RIPOR3: variants seen among roughly 807,000 people sequenced by gnomAD.
RIPOR3 encodes the protein family with sequence similarity 65 member C.
In RIPOR3, 95 loss-of-function variants were observed where a neutral mutation model predicts 114.3. The ratio of observed to expected loss-of-function variants is 0.83; its 90% CI spans 0.70 to 0.99. The LOEUF (loss-of-function observed/expected upper bound fraction) is 0.99. RIPOR3 is among the 50% of genes least tolerant of loss of function. The pLI is 0.00. For missense variants in RIPOR3, 1,252 were observed against 1,266.9 expected, an observed-to-expected ratio of 0.99 and a Z score of 0.18; for synonymous variants, 575 against 543.8, an observed-to-expected ratio of 1.06 and a Z score of -0.80.
At chr20:50,654,283 C>T (rs546642010) in intron 1 of RIPOR3, among the ~76,000 whole-genome samples, 4 of 151,604 alleles carry the variant, frequency 2.6e-5, no homozygotes, top group African/African-American at 4.8e-5. Flanking sequence ...TCTCCTGCCT[C>T]AGCCTCCCAA....
In RIPOR3 at chr20:50,592,427, G is replaced by A; in HGVS notation, c.2494C>T (p.Gln832Ter). The change falls in exon 19 of 22, where the codon CAG becomes TAG. Residue 832 changes from glutamine to a stop codon, truncating the protein, a stop_gained. Coordinates refer to ENST00000327979, the MANE Select transcript of RIPOR3 (RefSeq NM_001290268.2). LOFTEE classifies it high-confidence loss of function. ...PQTLRAWALL[Q>*]LDGTPRVCRA... ...CACACCCTCGGAGTGCCGTCCAGCT[G>A]GAGCAGCGCCCAGGCTCTTAAGGTC... is the stretch of plus-strand genomic sequence containing the variant. 2 of 1,612,558 alleles carry A rather than the reference G, an allele frequency of 1.2e-6. No individual in the cohort carries two copies. The highest frequency in any genetic ancestry group is 8.5e-7 in the Non-Finnish European group (1 of 1,179,426).
chr20:50,623,164 G>A (rs1311708099), intron 2 of RIPOR3, among the ~76,000 whole-genome samples: 1 of 151,606 alleles, frequency 6.6e-6, no homozygotes, highest in African/African-American at 2.4e-5. Flanking sequence ...GGGAGGCTGA[G>A]GCAGGAGAAT....
chr20:50,630,237 G>A (rs1162099452), intron 2 of RIPOR3, among the ~76,000 whole-genome samples: 2 of 152,254 alleles, frequency 1.3e-5, no homozygotes, highest in South Asian at 2.1e-4. Flanking sequence ...CAAAGTGCTA[G>A]GATTACAGGC....
At chr20:50,644,476 A>ATTTCT (rs907852714) in intron 1 of RIPOR3, among the ~76,000 whole-genome samples, 2 of 151,796 alleles carry the variant, frequency 1.3e-5, no homozygotes, top group South Asian at 2.1e-4. Flanking sequence ...ATTGGTACAT[A>ATTTCT]TTTCTTTTCT....
intron 1 of RIPOR3, among the ~76,000 whole-genome samples, chr20:50,659,628 CAA>C (rs956102860): frequency 8.7e-6 from 1 of 115,010 alleles, no homozygotes; most frequent in African/African-American, 3.5e-5. Context: ...GCCTAGGTGA[CAA>C]GAGCGAAACT....
intron 1 of RIPOR3, among the ~76,000 whole-genome samples, chr20:50,666,223 T>TTTTTTCTTTTC (rs2086229109): frequency 9.5e-6 from 1 of 105,010 alleles, no homozygotes; most frequent in Non-Finnish European, 2.0e-5. Flanking sequence ...TTTTCTTTTC[T>TTTTTTCTTTTC]TTTTTGAGAC....
chr20:50,645,600 A>T (rs1381056637), intron 1 of RIPOR3: 1 of 152,516 alleles, frequency 6.6e-6, no homozygotes, highest in Non-Finnish European at 1.5e-5. Context: ...GGGCATGCGC[A>T]GTTCAAGCCC....
chr20:50,681,415 T>C (rs1336983285), intron 1 of RIPOR3, among the ~76,000 whole-genome samples: 1 of 152,024 alleles, frequency 6.6e-6, no homozygotes, highest in Non-Finnish European at 1.5e-5. Flanking sequence ...CCCAAGTCTG[T>C]AGGACTGAGG....
intron 6 of RIPOR3, 38 bp downstream of exon 6, chr20:50,610,815 G>GCCCCA (rs1555846645): frequency 6.2e-7 from 1 of 1,613,494 alleles, no homozygotes; most frequent in East Asian, 2.2e-5. Context: ...AGCTGGCACT[G>GCCCCA]CCCCACCCCA....
rs139986638 is a variant in RIPOR3 at position 50,622,692 on chromosome 20, C to CAGAGAG, written c.123-2566_123-2561dup. ...TCATCCACCCCTTGGCTCTGGACTGCAGAGAGAGAGAGAGAGGAATAACCA... is the reference window on the plus strand; with the variant it reads ...TCATCCACCCCTTGGCTCTGGACTGCAGAGAGAGAGAGAGAGAGAGAGGAATAACCA... On this transcript the variant is annotated intron_variant, in intron 2 of 21. Coordinates refer to ENST00000327979, the MANE Select transcript of RIPOR3 (RefSeq NM_001290268.2). Among the ~76,000 whole-genome samples the CAGAGAG allele has an allele frequency of 1.1e-4, 16 of 150,208 alleles. 1 individual carries two copies. Among genetic ancestry groups the CAGAGAG allele is most frequent in the African/African-American group, 3.9e-4 (16 of 41,028 alleles).
At chr20:50,642,358 GT>G in intron 1 of RIPOR3, among the ~76,000 whole-genome samples, 1 of 80,278 alleles carries the variant, frequency 1.2e-5, no homozygotes, top group Non-Finnish European at 2.3e-5. Context: ...GTGTGTGTGT[GT>G]GTGTGTGTGT....
chr20:50,592,259 T>A (rs569776271), intron 19 of RIPOR3, 85 bp downstream of exon 19: 6 of 1,396,256 alleles, frequency 4.3e-6, no homozygotes, highest in Non-Finnish European at 5.7e-6. Context: ...GGCACTCACT[T>A]CTTTGTACTT....
intron 12 of RIPOR3, among the ~76,000 whole-genome samples, chr20:50,604,053 G>A (rs1456874231): frequency 6.6e-6 from 1 of 152,012 alleles, no homozygotes; most frequent in Non-Finnish European, 1.5e-5. Flanking sequence ...GTGGTGGCGT[G>A]TGCCTGTAAT....
chr20:50,670,973 G>T (rs547335113), intron 1 of RIPOR3, among the ~76,000 whole-genome samples: 1 of 152,144 alleles, frequency 6.6e-6, no homozygotes, highest in African/African-American at 2.4e-5. Context: ...TGACACCCAG[G>T]CTGGAGTGCA....
At chr20:50,651,846 G>A (rs991224214) in intron 1 of RIPOR3, among the ~76,000 whole-genome samples, 2 of 152,228 alleles carry the variant, frequency 1.3e-5, no homozygotes, top group African/African-American at 4.8e-5. Flanking sequence ...CAGAGAAGAG[G>A]GGGAGGAGCC....
intron 17 of RIPOR3, 53 bp downstream of exon 17, chr20:50,594,500 G>C (rs1440201435): frequency 1.3e-6 from 2 of 1,579,166 alleles, no homozygotes; most frequent in African/African-American, 2.7e-5. Flanking sequence ...AGGCCCTGGA[G>C]ACTCAATACA....
In RIPOR3 at chr20:50,686,844, C is replaced by T. The variant is rs578162745; in HGVS notation, c.3+4282G>A. On this transcript the variant is annotated intron_variant, in intron 1 of 21. Transcript: ENST00000327979. ...TGGTTCTCCTCTTGTATTGCAGTTG[C>T]GTTTCTCTTAGCTAATGTCCCACCT... Among the ~76,000 whole-genome samples the T allele has an allele frequency of 4.6e-5, 7 of 152,212 alleles. No homozygotes were observed. The South Asian group carries it at 8.3e-4, about 18-fold the overall frequency.
chr20:50,633,997 TTTTA>T (rs1389051673), intron 1 of RIPOR3, among the ~76,000 whole-genome samples: 2 of 149,866 alleles, frequency 1.3e-5, no homozygotes, highest in Non-Finnish European at 3.0e-5. Context: ...TTTTTTTTTT[TTTTA>T]GACAGGGTCT....
At chr20:50,623,414 G>A (rs1467184781) in intron 2 of RIPOR3, among the ~76,000 whole-genome samples, 1 of 152,084 alleles carries the variant, frequency 6.6e-6, no homozygotes, top group African/African-American at 2.4e-5. Flanking sequence ...TGCACCCCTG[G>A]GTGTTCCCAG....
Sources: gnomAD v4.1 joint callset for allele counts (sites outside exome capture counted in the v4.1 genomes callset) on GRCh38, gnomAD v4.1.1 for gene constraint, MANE v1.5 for transcripts, NCBI Gene and HGNC (gene_info 2026-07-23, HGNC 2026-07-21) for gene names.